The following ZNF385D variants were observed in gnomAD, a reference collection of about 807,000 sequenced individuals.
ZNF385D encodes zinc finger protein 385D, also known as zinc finger protein 659.
Under a neutral mutation model 35.8 loss-of-function variants are expected in ZNF385D, and 15 were observed. The observed-to-expected ratio is 0.42, with a 90% CI of 0.28 to 0.64. The LOEUF (loss-of-function observed/expected upper bound fraction) is 0.64, where lower values mean the gene tolerates loss of function less well. Among genes scored for constraint, ZNF385D ranks in the 30% least tolerant of loss-of-function variants. ZNF385D has a pLI of 0.23. For synonymous variants in ZNF385D, 212 were observed against 186.8 expected (o/e 1.13, Z -1.10); for missense variants, 474 against 494.6 (o/e 0.96, Z 0.39).
At position 21,784,670 on chromosome 3, in the gene ZNF385D, T is replaced by C. The variant is rs1216101434; in HGVS notation, c.326-119642A>G. On this transcript the variant is annotated intron_variant, in intron 3 of 5. Transcript: ENST00000494108. ...AATTAATGTATTTTTAAATTGTATA[T>C]ATATTTAAGTATATAACATGATGTT... Among the ~76,000 whole-genome samples the C allele has an allele frequency of 4.6e-5, 7 of 152,048 alleles. No individual in the cohort carries two copies. In the East Asian group the frequency reaches 1.4e-3, roughly 29 times the overall value.
At chr3:21,676,349 T>C (rs2066723528) in intron 1 of ZNF385D, among the ~76,000 whole-genome samples, 2 of 152,256 alleles carry the variant, frequency 1.3e-5, no homozygotes, top group South Asian at 2.1e-4. Flanking sequence ...TCGGCCTCAA[T>C]GTGATTGTTT....
intron 3 of ZNF385D, among the ~76,000 whole-genome samples, chr3:22,010,207 A>G (rs1283324520): frequency 6.6e-6 from 1 of 152,216 alleles, no homozygotes; most frequent in Non-Finnish European, 1.5e-5. Context: ...ACGAAACAGG[A>G]TGAGCATGAA....
At chr3:21,529,029 T>A (rs1484382124) in intron 3 of ZNF385D, among the ~76,000 whole-genome samples, 1 of 152,204 alleles carries the variant, frequency 6.6e-6, no homozygotes. Context: ...GTGCTGAACC[T>A]CAGATTTGGA....
intron 3 of ZNF385D, among the ~76,000 whole-genome samples, chr3:22,057,601 CTG>C (rs1699471597): frequency 6.6e-6 from 1 of 151,742 alleles, no homozygotes; most frequent in African/African-American, 2.4e-5. Context: ...CCTCCATCTC[CTG>C]TGTTGAAGCA....
intron 5 of ZNF385D, among the ~76,000 whole-genome samples, chr3:21,433,232 A>G (rs1701387304): frequency 6.6e-6 from 1 of 152,180 alleles, no homozygotes; most frequent in South Asian, 2.1e-4. Flanking sequence ...GGCTGTGGTC[A>G]TTTGTTTAGA....
intron 3 of ZNF385D, among the ~76,000 whole-genome samples, chr3:22,088,742 A>C (rs529681412): frequency 1.3e-5 from 2 of 152,286 alleles, no homozygotes; most frequent in Admixed American, 1.3e-4. Context: ...AAGATTCCCA[A>C]GATAAGACCT....
At chr3:22,139,069 C>T (rs1704331814) in intron 3 of ZNF385D, among the ~76,000 whole-genome samples, 2 of 149,480 alleles carry the variant, frequency 1.3e-5, no homozygotes, top group Admixed American at 1.4e-4. Context: ...AATGAGATAC[C>T]ATCTCACACC....
intron 3 of ZNF385D, among the ~76,000 whole-genome samples, chr3:21,988,804 T>C (rs897206427): frequency 6.6e-6 from 1 of 152,052 alleles, no homozygotes; most frequent in Non-Finnish European, 1.5e-5. Flanking sequence ...CAGACTGCTG[T>C]GCTAGCAATC....
At chr3:22,143,485 C>T (rs532173320) in intron 3 of ZNF385D, among the ~76,000 whole-genome samples, 2 of 152,232 alleles carry the variant, frequency 1.3e-5, no homozygotes, top group Non-Finnish European at 2.9e-5. Context: ...TCCAGAAGTA[C>T]CCACTATTTA....
intron 2 of ZNF385D, among the ~76,000 whole-genome samples, chr3:21,634,140 T>C (rs2065357856): frequency 6.6e-6 from 1 of 151,624 alleles, no homozygotes; most frequent in African/African-American, 2.4e-5. Flanking sequence ...AAGCCTGCAA[T>C]GAACCATGAG....
chr3:21,615,524 C>G (rs1260247141), intron 2 of ZNF385D, among the ~76,000 whole-genome samples: 1 of 152,080 alleles, frequency 6.6e-6, no homozygotes, highest in Non-Finnish European at 1.5e-5. Flanking sequence ...AACAAAGAGT[C>G]TCATATATAA....
chr3:21,564,535 ATT>A (rs3841545), intron 3 of ZNF385D, 37 bp downstream of exon 3: 67,993 of 1,106,126 alleles, frequency 0.061, 1,443 homozygotes, highest in Middle Eastern at 0.099. Context: ...AGCAAAATGT[ATT>A]TTTTTTTTTT....
intron 3 of ZNF385D, among the ~76,000 whole-genome samples, chr3:21,769,732 A>G (rs1443315773): frequency 7.5e-6 from 1 of 133,294 alleles, no homozygotes; most frequent in Non-Finnish European, 1.6e-5. Context: ...ATTGGAAAAA[A>G]CTACTTTAAA....
chr3:21,694,114 G>C (rs76583311), intron 1 of ZNF385D, among the ~76,000 whole-genome samples: 2 of 143,036 alleles, frequency 1.4e-5, no homozygotes, highest in East Asian at 4.1e-4. Context: ...CGCGATCTCG[G>C]CTCACTGCAA....
chr3:21,981,138 A>C (rs1215143646), intron 3 of ZNF385D, among the ~76,000 whole-genome samples: 1 of 152,124 alleles, frequency 6.6e-6, no homozygotes, highest in Non-Finnish European at 1.5e-5. Context: ...CTGAGGAATC[A>C]CTATGCTGCT....
chr3:21,874,368 T>C (rs993934713), intron 3 of ZNF385D, among the ~76,000 whole-genome samples: 1 of 152,072 alleles, frequency 6.6e-6, no homozygotes, highest in Admixed American at 6.6e-5. Flanking sequence ...ATTTTTGTTA[T>C]TGAGTTGTAG....
At chr3:21,911,324 T>C (rs1477330755) in intron 3 of ZNF385D, among the ~76,000 whole-genome samples, 1 of 151,980 alleles carries the variant, frequency 6.6e-6, no homozygotes, top group African/African-American at 2.4e-5. Context: ...AATAAGATTC[T>C]AAATGAAGTC....
chr3:21,604,260 G>A (rs144932247), intron 2 of ZNF385D, among the ~76,000 whole-genome samples: 1 of 152,006 alleles, frequency 6.6e-6, no homozygotes, highest in Non-Finnish European at 1.5e-5. Context: ...TCTGCTCTGT[G>A]TGTAGAAGCA....
chr3:22,298,552 T>TATACAC (rs1553643580), intron 2 of ZNF385D, among the ~76,000 whole-genome samples: 1 of 141,300 alleles, frequency 7.1e-6, no homozygotes, highest in East Asian at 2.0e-4. Context: ...TTTATGTATA[T>TATACAC]ACACACATAC....
Sources: gnomAD v4.1 joint callset for allele counts (sites outside exome capture counted in the v4.1 genomes callset) on GRCh38, gnomAD v4.1.1 for gene constraint, MANE v1.5 for transcripts, NCBI Gene and HGNC (gene_info 2026-07-23, HGNC 2026-07-21) for gene names.